The following TRIM16 variants were observed in gnomAD, a reference collection of about 807,000 sequenced individuals.
The protein encoded by TRIM16 is tripartite motif containing 16, also known as tripartite motif-containing protein 16.
A neutral mutation model predicts 50.4 loss-of-function variants in TRIM16; 33 were observed. The ratio of observed to expected loss-of-function variants is 0.65; its 90% CI spans 0.50 to 0.88. The LOEUF (loss-of-function observed/expected upper bound fraction) is 0.88. Among genes scored for constraint, TRIM16 ranks in the 40% least tolerant of loss-of-function variants. The probability of loss-of-function intolerance (pLI) is 0.00; values close to 1 mark genes in which losing one functional copy is unlikely to be tolerated. For missense variants in TRIM16, 581 were observed against 686.8 expected (o/e 0.85, Z 1.72); for synonymous variants, 229 against 270.7 (o/e 0.85, Z 1.51).
rs564373351 is a variant in TRIM16, at chr17:15,642,876, G to A, written c.520-60C>T. The A allele has an allele frequency of 1.1e-4, 55 of 481,430 alleles. 4 individuals are homozygous for A. The highest frequency in any genetic ancestry group is 1.1e-3 in the South Asian group (52 of 46,458). 29.8% of individuals were successfully genotyped at this position (481,430 alleles called of 1,614,324 possible). A position where few individuals can be genotyped will look rare whatever the true frequency, so the allele number is the denominator to read the frequency against. ...AGCCCAATGCACACAGAAGGACACGGGCACTCTCCAGCCCTGACATCCCCG... is the reference window on the plus strand; with the variant it reads ...AGCCCAATGCACACAGAAGGACACGAGCACTCTCCAGCCCTGACATCCCCG... On this transcript the variant is annotated intron_variant, in intron 7 of 11. Coordinates refer to ENST00000649191, the MANE Select transcript of TRIM16 (RefSeq NM_001348119.1).
chr17:15,667,456 G>A (rs2654385), intron 6 of TRIM16, among the ~76,000 whole-genome samples: 4 of 152,096 alleles, frequency 2.6e-5, no homozygotes, highest in Admixed American at 6.5e-5. Context: ...AACATTCTAA[G>A]TAACAAAATA....
chr17:15,676,466 G>A (rs546291041), intron 6 of TRIM16, among the ~76,000 whole-genome samples: 3 of 138,142 alleles, frequency 2.2e-5, no homozygotes, highest in South Asian at 2.2e-4. Context: ...ATGGAGTCTC[G>A]CTCTGTCACC....
chr17:15,667,231 A>G (rs1988537211), intron 6 of TRIM16, among the ~76,000 whole-genome samples: 1 of 152,136 alleles, frequency 6.6e-6, no homozygotes, highest in African/African-American at 2.4e-5. Flanking sequence ...CATTTGCGCA[A>G]TGATGCAGGA....
chr17:15,636,512 C>T (rs937458580), intron 8 of TRIM16, among the ~76,000 whole-genome samples: 1 of 149,070 alleles, frequency 6.7e-6, no homozygotes, highest in African/African-American at 2.5e-5. Context: ...CTCTGAGATC[C>T]CTCACAACTC....
At chr17:15,675,256 A>C (rs565880078) in intron 6 of TRIM16, among the ~76,000 whole-genome samples, 1 of 152,324 alleles carries the variant, frequency 6.6e-6, no homozygotes, top group South Asian at 2.1e-4. Flanking sequence ...AGGGTAGGAG[A>C]GGAGGGATTT....
intron 6 of TRIM16, among the ~76,000 whole-genome samples, chr17:15,672,482 C>A (rs1453483460): frequency 4.6e-5 from 7 of 151,126 alleles, no homozygotes; most frequent in African/African-American, 1.7e-4. Context: ...GCCAGTAATG[C>A]CAGCACTTCA....
chr17:15,672,404 T>G (rs1235103094), intron 6 of TRIM16, among the ~76,000 whole-genome samples: 2 of 149,654 alleles, frequency 1.3e-5, no homozygotes, highest in Non-Finnish European at 3.0e-5. Context: ...GTAAGTGTGG[T>G]CTACACTACA....
intron 7 of TRIM16, among the ~76,000 whole-genome samples, chr17:15,644,545 G>A (rs897347231): frequency 1.3e-5 from 2 of 152,122 alleles, no homozygotes; most frequent in African/African-American, 2.4e-5. Flanking sequence ...TACATCACTG[G>A]CCATTGGTGA....
intron 9 of TRIM16, among the ~76,000 whole-genome samples, chr17:15,634,837 A>G (rs1986649621): frequency 6.7e-6 from 1 of 148,908 alleles, no homozygotes; most frequent in Non-Finnish European, 1.5e-5. Context: ...ACACAAAAAT[A>G]AATAAAGTTA....
At position 15,631,981 on chromosome 17, in the gene TRIM16, C is replaced by T. The variant is rs906613563; in HGVS notation, c.1016-267G>A. On this transcript the variant is annotated intron_variant, in intron 10 of 11. Coordinates refer to ENST00000649191, the MANE Select transcript of TRIM16 (RefSeq NM_001348119.1). Reference sequence around the variant, plus strand: ...GGAAGCTAGTCACAGAAATGCCAGCCGATCGCATAATATAAGCATGACTAA... The same window carrying T: ...GGAAGCTAGTCACAGAAATGCCAGCTGATCGCATAATATAAGCATGACTAA... 53 of 492,330 alleles carry T rather than the reference C, an allele frequency of 1.1e-4. 1 individual carries two copies. Among genetic ancestry groups the T allele is most frequent in the Admixed American group, 7.0e-5 (2 of 28,740 alleles). 30.5% of individuals were successfully genotyped at this position (492,330 alleles called of 1,614,324 possible).
intron 7 of TRIM16, among the ~76,000 whole-genome samples, chr17:15,650,524 T>C (rs1987634347): frequency 6.6e-6 from 1 of 152,170 alleles, no homozygotes; most frequent in South Asian, 2.1e-4. Context: ...CCTGTGACAT[T>C]ATACCTGGAC....
At chr17:15,682,351 G>A (rs1218044931) in intron 3 of TRIM16, among the ~76,000 whole-genome samples, 1 of 152,192 alleles carries the variant, frequency 6.6e-6, no homozygotes, top group Non-Finnish European at 1.5e-5. Flanking sequence ...CAATCAGTCG[G>A]GGCTAAGGTA....
At chr17:15,673,964 C>T (rs2530111) in intron 6 of TRIM16, among the ~76,000 whole-genome samples, 5 of 152,096 alleles carry the variant, frequency 3.3e-5, no homozygotes, top group South Asian at 2.1e-4. Context: ...CCAAGGTAAA[C>T]GGTTCTTACT....
Position 15,651,402 on chromosome 17 carries a change from C to T in TRIM16, c.208G>A (p.Gly70Ser). ...TCACACAGGACCTCTTTCCCCTCAC[C>T]AGCAGGATCCCCCTGCTCTGCAGAG... ...SDSAEQGDPA[G>S]EGKEVLCDFC... Residue 70 changes from glycine to serine, a missense_variant, in exon 7 of 12, where the codon GGT (glycine) becomes AGT (serine). Physicochemically the swap from Gly to Ser is moderately conservative, Grantham distance 56. Coordinates refer to ENST00000649191, the MANE Select transcript of TRIM16 (RefSeq NM_001348119.1). 1 of 1,614,214 alleles carries T rather than the reference C, an allele frequency of 6.2e-7. No homozygotes were observed. The highest frequency in any genetic ancestry group is 2.2e-5 in the East Asian group (1 of 44,878).
chr17:15,656,098 C>T (rs541428610), intron 6 of TRIM16, among the ~76,000 whole-genome samples: 14 of 152,068 alleles, frequency 9.2e-5, no homozygotes, highest in Non-Finnish European at 2.1e-4. Flanking sequence ...ATCTTCAGCC[C>T]TCTGGGACCA....
At chr17:15,653,837 A>T (rs1355147374) in intron 6 of TRIM16, among the ~76,000 whole-genome samples, 1 of 152,230 alleles carries the variant, frequency 6.6e-6, no homozygotes, top group Non-Finnish European at 1.5e-5. Flanking sequence ...GGACGGGGGT[A>T]CACAGTGTAC....
At chr17:15,678,619 CCAT>C (rs1344920843) in intron 4 of TRIM16, among the ~76,000 whole-genome samples, 1 of 152,178 alleles carries the variant, frequency 6.6e-6, no homozygotes, top group Non-Finnish European at 1.5e-5. Flanking sequence ...CCCTGAATGG[CCAT>C]CCTATCAATC....
In TRIM16 at chr17:15,654,779, C is replaced by T. The variant is rs553088933; in HGVS notation, c.-337-2833G>A. Among the ~76,000 whole-genome samples the T allele has an allele frequency of 3.3e-5, 5 of 152,292 alleles. No individual in the cohort carries two copies. The South Asian group carries it at 1.0e-3, about 32-fold the overall frequency. ...CCCCTGCACAGATCTCCCCCTGCCC[C>T]ATAAAATGCTTAAAAGGTAACCAGA... On this transcript the variant is annotated intron_variant, in intron 6 of 11. Transcript: ENST00000649191.
intron 7 of TRIM16, 90 bp from the exon 8 acceptor site, chr17:15,642,906 T>G (rs1987182228): frequency 4.9e-6 from 2 of 411,752 alleles, no homozygotes; most frequent in Admixed American, 9.3e-5. Flanking sequence ...TCCCCGCCCT[T>G]CTTCCCTGGA....
Sources: gnomAD v4.1 joint callset for allele counts (sites outside exome capture counted in the v4.1 genomes callset) on GRCh38, gnomAD v4.1.1 for gene constraint, MANE v1.5 for transcripts, NCBI Gene and HGNC (gene_info 2026-07-23, HGNC 2026-07-21) for gene names.